Variants in VDAC1 observed in about 807,000 individuals in gnomAD.
VDAC1 encodes the protein voltage dependent anion channel 1.
In VDAC1, 10 loss-of-function variants were observed where a neutral mutation model predicts 34.7. The observed-to-expected ratio is 0.29, with a 90% CI of 0.18 to 0.49. The LOEUF is 0.49. VDAC1 is among the 20% of genes least tolerant of loss of function. VDAC1 has a pLI of 0.99. For synonymous variants in VDAC1, 130 were observed against 136.0 expected (o/e 0.96, Z 0.30); for missense variants, 230 against 347.9 (o/e 0.66, Z 2.69).
chr5:134,086,687 C>A, the VDAC1 span, among the ~76,000 whole-genome samples: 4 of 151,824 alleles, frequency 2.6e-5, no homozygotes, highest in Non-Finnish European at 5.9e-5. Flanking sequence ...TTTCTTCCTT[C>A]TTCCTTCCCC....
intron 1 of VDAC1, among the ~76,000 whole-genome samples, chr5:134,002,298 C>A (rs915665560): frequency 6.6e-6 from 1 of 152,316 alleles, no homozygotes; most frequent in East Asian, 1.9e-4. Context: ...ACGAATAACC[C>A]CTGCCTATAG....
the VDAC1 span, among the ~76,000 whole-genome samples, chr5:134,018,357 C>G: frequency 6.6e-6 from 1 of 152,160 alleles, no homozygotes; most frequent in African/African-American, 2.4e-5. Flanking sequence ...AAGCCATTCA[C>G]GAGGGATCTG....
intron 7 of VDAC1, among the ~76,000 whole-genome samples, chr5:133,974,876 C>G (rs184506384): frequency 6.6e-6 from 1 of 151,850 alleles, no homozygotes; most frequent in Non-Finnish European, 1.5e-5. Context: ...TCACTTGAAC[C>G]TGGGGGACGG....
At chr5:134,094,468 C>T in the VDAC1 span, among the ~76,000 whole-genome samples, 56 of 152,198 alleles carry the variant, frequency 3.7e-4, no homozygotes, top group East Asian at 3.1e-3. Context: ...GAGGCCGAGG[C>T]GGGCAGATCA....
At chr5:134,100,331 G>A in the VDAC1 span, among the ~76,000 whole-genome samples, 3 of 152,216 alleles carry the variant, frequency 2.0e-5, no homozygotes, top group African/African-American at 7.2e-5. Context: ...CAGGCATTAA[G>A]CTTTGAGAGT....
At chr5:134,019,785 T>C in the VDAC1 span, among the ~76,000 whole-genome samples, 3 of 152,260 alleles carry the variant, frequency 2.0e-5, no homozygotes, top group East Asian at 5.8e-4. Context: ...TGAGGCCTGG[T>C]ATCAGACCAA....
chr5:134,074,107 T>C, the VDAC1 span, among the ~76,000 whole-genome samples: 1 of 151,756 alleles, frequency 6.6e-6, no homozygotes. Flanking sequence ...GGTCAGGAGA[T>C]TGAGACCAGC....
chr5:134,032,124 C>CAAAAAAAAAAAAAAAAAA, the VDAC1 span, among the ~76,000 whole-genome samples: 64 of 36,116 alleles, frequency 1.8e-3, 9 homozygotes, highest in African/African-American at 6.6e-3. Context: ...CTCTGCCTCA[C>CAAAAAAAAAAAAAAAAAA]AAAAAAAAAA....
At chr5:134,065,845 G>C in the VDAC1 span, among the ~76,000 whole-genome samples, 11 of 142,210 alleles carry the variant, frequency 7.7e-5, no homozygotes, top group South Asian at 2.3e-4. Context: ...CCAGGCTGGA[G>C]TGCAGTGGTG....
chr5:134,092,690 AAAG>A, the VDAC1 span, among the ~76,000 whole-genome samples: 8 of 152,050 alleles, frequency 5.3e-5, no homozygotes, highest in South Asian at 2.1e-4. Context: ...AAAAAAAAAA[AAAG>A]ATGTGTTGGT....
At chr5:134,003,420 C>T (rs1384499578) in intron 1 of VDAC1, among the ~76,000 whole-genome samples, 3 of 151,954 alleles carry the variant, frequency 2.0e-5, no homozygotes, top group Non-Finnish European at 4.4e-5. Context: ...GGCTCTAAAC[C>T]AGGGTCTGCT....
chr5:134,048,159 G>A, the VDAC1 span, among the ~76,000 whole-genome samples: 28 of 152,078 alleles, frequency 1.8e-4, no homozygotes, highest in Admixed American at 1.6e-3. Context: ...TAGTAGAGAC[G>A]GGGTTTCACC....
chr5:134,093,162 T>A, the VDAC1 span, among the ~76,000 whole-genome samples: 1 of 152,326 alleles, frequency 6.6e-6, no homozygotes, highest in South Asian at 2.1e-4. Flanking sequence ...TTTCAATTGA[T>A]AGAACTGGAT....
chr5:133,996,692 T>C (rs1359738173), intron 1 of VDAC1, among the ~76,000 whole-genome samples: 4 of 152,064 alleles, frequency 2.6e-5, no homozygotes, highest in African/African-American at 9.7e-5. Flanking sequence ...TGGCACATAA[T>C]AGGCATTCAA....
chr5:134,051,013 C>T, the VDAC1 span, among the ~76,000 whole-genome samples: 1 of 152,186 alleles, frequency 6.6e-6, no homozygotes, highest in Admixed American at 6.5e-5. Context: ...AGGCCTTATA[C>T]AGTTGTATGT....
the VDAC1 span, among the ~76,000 whole-genome samples, chr5:134,037,374 T>C: frequency 2.6e-5 from 4 of 152,288 alleles, no homozygotes; most frequent in South Asian, 8.3e-4. Flanking sequence ...GGCCATCAAT[T>C]TGCTAAACTG....
chr5:133,983,407 G>A (rs1011487425), intron 5 of VDAC1, among the ~76,000 whole-genome samples: 1 of 152,064 alleles, frequency 6.6e-6, no homozygotes, highest in African/African-American at 2.4e-5. Context: ...AATAGTATGT[G>A]CGTGGAGGAG....
At chr5:133,983,500 G>A (rs144006807) in intron 5 of VDAC1, among the ~76,000 whole-genome samples, 1 of 151,820 alleles carries the variant, frequency 6.6e-6, no homozygotes, top group Non-Finnish European at 1.5e-5. Context: ...AATAGAATGA[G>A]GGTTAAACAT....
At chr5:134,039,583 C>G in the VDAC1 span, among the ~76,000 whole-genome samples, 1 of 152,178 alleles carries the variant, frequency 6.6e-6, no homozygotes, top group Non-Finnish European at 1.5e-5. Context: ...CCCGCCTTGG[C>G]CTCCCAAAGT....
Sources: allele counts gnomAD v4.1 joint callset (sites outside exome capture counted in the v4.1 genomes callset), GRCh38; gene constraint gnomAD v4.1.1; transcripts MANE v1.5; gene names NCBI Gene and HGNC (gene_info 2026-07-23, HGNC 2026-07-21).